Variants in GDPD1 observed in about 807,000 individuals in gnomAD.
GDPD1 encodes the protein glycerophosphodiester phosphodiesterase domain containing 1.
In GDPD1, 28 loss-of-function variants were observed where a neutral mutation model predicts 45.1. The observed-to-expected ratio is 0.62, with a 90% confidence interval of 0.46 to 0.85. The LOEUF is 0.85. Ranked by LOEUF, GDPD1 falls within the 40% of genes least tolerant of loss-of-function variation. The pLI is 0.00. For synonymous variants in GDPD1, 139 were observed against 131.4 expected (o/e 1.06, Z -0.40); for missense variants, 256 against 364.8 (o/e 0.70, Z 2.43).
intron 2 of GDPD1, among the ~76,000 whole-genome samples, chr17:59,234,801 C>T (rs1275580562): frequency 2.0e-5 from 3 of 151,960 alleles, no homozygotes; most frequent in Non-Finnish European, 4.4e-5. Context: ...ACATTTGTAA[C>T]AAGGAATGTA....
At chr17:59,253,406 G>A (rs1884284911) in intron 4 of GDPD1, among the ~76,000 whole-genome samples, 1 of 152,146 alleles carries the variant, frequency 6.6e-6, no homozygotes, top group South Asian at 2.1e-4. Context: ...GTCTCGCTAT[G>A]TTGGTCAGAT....
chr17:59,234,401 A>AT, intron 1 of GDPD1, 91 bp from the exon 2 acceptor site: 74 of 711,102 alleles, frequency 1.0e-4, no homozygotes, highest in Middle Eastern at 4.0e-4. Flanking sequence ...AAAAAAAAAA[A>AT]GGTCAAGATT....
intron 4 of GDPD1, among the ~76,000 whole-genome samples, chr17:59,255,850 T>TATATATATATATATACACAC (rs1158828340): frequency 2.7e-5 from 2 of 74,312 alleles, no homozygotes; most frequent in African/African-American, 1.4e-4. Context: ...TATATATATA[T>TATATATATATATATACACAC]ACACACGTAT....
intron 4 of GDPD1, among the ~76,000 whole-genome samples, chr17:59,250,143 C>T (rs773107301): frequency 3.3e-5 from 5 of 152,024 alleles, no homozygotes; most frequent in Non-Finnish European, 5.9e-5. Flanking sequence ...TTTCAATTTC[C>T]AGGTAAGTTG....
chr17:59,234,386 C>CAAAAA lies in GDPD1; in HGVS notation c.143-106_143-105insAAAAA. 7.2e-6 allele frequency: 4 copies of CAAAAA among 551,824 alleles called. 1 individual carries two copies. The highest frequency in any genetic ancestry group is 6.2e-6 in the Non-Finnish European group (2 of 323,780). 34.2% of individuals were successfully genotyped at this position (551,824 alleles called of 1,614,324 possible). Reference sequence around the variant, plus strand: ...AAAAAAACACTTGTAATGTCTACCCCCAAAAAAAAAAAAAAGGTCAAGATT... The same window carrying CAAAAA: ...AAAAAAACACTTGTAATGTCTACCCCAAAAACAAAAAAAAAAAAAAGGTCAAGATT... On this transcript the variant is annotated intron_variant, in intron 1 of 9. Coordinates refer to ENST00000284116, the MANE Select transcript of GDPD1 (RefSeq NM_182569.4).
intron 1 of GDPD1, among the ~76,000 whole-genome samples, chr17:59,221,419 CT>C (rs36143328): frequency 1.5e-3 from 185 of 126,864 alleles, no homozygotes; most frequent in Middle Eastern, 4.1e-3. Flanking sequence ...AACCTTGCAT[CT>C]TTTTTTTTTT....
intron 4 of GDPD1, among the ~76,000 whole-genome samples, chr17:59,249,422 G>A (rs1158838168): frequency 6.6e-6 from 1 of 151,712 alleles, no homozygotes; most frequent in African/African-American, 2.4e-5. Flanking sequence ...TGAAAATAAA[G>A]TAAATAAATA....
Position 59,273,752 on chromosome 17 carries a change from T to C in GDPD1, c.924T>C (p.Phe308=), listed in dbSNP as rs776578387. Residue 308 remains phenylalanine, a synonymous_variant, in exon 10 of 10, where the codon TTT becomes TTC. Coordinates refer to ENST00000284116, the MANE Select transcript of GDPD1 (RefSeq NM_182569.4). ...ACTATCCAACAAAGCTTAGGGATTT[T>C]TTACATAACTTTTCAGCATAGAAAA... ...MTDYPTKLRD[F]LHNFSA The C allele has an allele frequency of 6.4e-7, 1 of 1,574,496 alleles. No homozygotes were observed. Among genetic ancestry groups the C allele is most frequent in the Admixed American group, 1.8e-5 (1 of 54,824 alleles).
chr17:59,240,153 T>C (rs1362508377), intron 2 of GDPD1, among the ~76,000 whole-genome samples: 1 of 151,964 alleles, frequency 6.6e-6, no homozygotes, highest in African/African-American at 2.4e-5. Flanking sequence ...TTAGTTGGCG[T>C]GGTGATGCGC....
At chr17:59,227,221 C>T (rs1453343296) in intron 1 of GDPD1, among the ~76,000 whole-genome samples, 1 of 151,696 alleles carries the variant, frequency 6.6e-6, no homozygotes, top group Non-Finnish European at 1.5e-5. Flanking sequence ...GAGTTTGAGA[C>T]CAGCCTGGCC....
At chr17:59,263,820 C>T (rs968264099) in intron 6 of GDPD1, among the ~76,000 whole-genome samples, 3 of 151,960 alleles carry the variant, frequency 2.0e-5, no homozygotes, top group Non-Finnish European at 4.4e-5. Flanking sequence ...AAGAATTTTA[C>T]ATCAGCCTTT....
At chr17:59,256,436 A>T (rs1690892928) in intron 4 of GDPD1, among the ~76,000 whole-genome samples, 1 of 152,204 alleles carries the variant, frequency 6.6e-6, no homozygotes, top group Admixed American at 6.5e-5. Context: ...TTCTTTGAAT[A>T]ACTGCATTCA....
chr17:59,254,997 C>G (rs541595521), intron 4 of GDPD1, among the ~76,000 whole-genome samples: 1 of 152,274 alleles, frequency 6.6e-6, no homozygotes, highest in Admixed American at 6.5e-5. Context: ...CAGAGTAACC[C>G]AGAGCCCCAT....
At chr17:59,256,188 G>T (rs1022911607) in intron 4 of GDPD1, among the ~76,000 whole-genome samples, 28 of 151,884 alleles carry the variant, frequency 1.8e-4, no homozygotes, top group African/African-American at 6.3e-4. Context: ...GCGTGATGGT[G>T]CTCCTGTAGT....
At position 59,229,149 on chromosome 17, in the gene GDPD1, A is replaced by G. The variant is rs1261608364; in HGVS notation, c.143-5343A>G. On this transcript the variant is annotated intron_variant, in intron 1 of 9. Transcript: ENST00000284116. ...TATTATTATTATTATTATTATTATTATTATTATTATTATTATTATTTTGAG... is the reference window on the plus strand; with the variant it reads ...TATTATTATTATTATTATTATTATTGTTATTATTATTATTATTATTTTGAG... Among the ~76,000 whole-genome samples the G allele has an allele frequency of 3.5e-5, 5 of 144,828 alleles. No individual in the cohort carries two copies. In the Admixed American group the frequency reaches 3.5e-4, roughly 10 times the overall value.
chr17:59,244,689 A>G (rs998145568), intron 2 of GDPD1, among the ~76,000 whole-genome samples: 3 of 152,086 alleles, frequency 2.0e-5, no homozygotes, highest in African/African-American at 7.2e-5. Flanking sequence ...TTTCAATACT[A>G]TGTTAAATCA....
intron 8 of GDPD1, among the ~76,000 whole-genome samples, chr17:59,272,376 A>G (rs1486255178): frequency 6.6e-6 from 1 of 152,232 alleles, no homozygotes. Flanking sequence ...GTAATGAACT[A>G]TGATGTTATA....
chr17:59,255,863 A>ATATATATACGCG (rs2047304012), intron 4 of GDPD1, among the ~76,000 whole-genome samples: 2 of 88,800 alleles, frequency 2.3e-5, no homozygotes, highest in African/African-American at 1.4e-4. Flanking sequence ...ACACGTATAT[A>ATATATATACGCG]TATATATATA....
chr17:59,250,211 C>T (rs913640953), intron 4 of GDPD1, among the ~76,000 whole-genome samples: 3 of 152,078 alleles, frequency 2.0e-5, no homozygotes, highest in Non-Finnish European at 4.4e-5. Flanking sequence ...ATTATACTTG[C>T]CAAACTATTG....
Sources: allele counts gnomAD v4.1 joint callset (sites outside exome capture counted in the v4.1 genomes callset), GRCh38; gene constraint gnomAD v4.1.1; transcripts MANE v1.5; gene names NCBI Gene and HGNC (gene_info 2026-07-23, HGNC 2026-07-21).